The following PTPN21 variants were observed in gnomAD, a reference collection of about 807,000 sequenced individuals.
PTPN21 encodes tyrosine-protein phosphatase non-receptor type 21.
Under a neutral mutation model 131.8 loss-of-function variants are expected in PTPN21, and 77 were observed. That is an observed-to-expected ratio of 0.58 (90% CI 0.49 to 0.71). PTPN21 has a LOEUF of 0.71. Among genes scored for constraint, PTPN21 ranks in the 30% least tolerant of loss-of-function variants. The pLI, the probability that PTPN21 is intolerant of heterozygous loss-of-function variation, is 0.00. For synonymous variants in PTPN21, 715 were observed against 621.3 expected, an observed-to-expected ratio of 1.15 and a Z score of -2.24; for missense variants, 1,552 against 1,527.1, an observed-to-expected ratio of 1.02 and a Z score of -0.27.
At chr14:88,550,787 T>C (rs2078854780) in intron 1 of PTPN21, among the ~76,000 whole-genome samples, 168 bp from the exon 2 acceptor site, 1 of 152,166 alleles carries the variant, frequency 6.6e-6, no homozygotes, top group Non-Finnish European at 1.5e-5. Context: ...AGAGTTGTGC[T>C]AGGCTCAGGG....
chr14:88,540,494 T>C (rs1275753227), intron 2 of PTPN21, among the ~76,000 whole-genome samples: 2 of 152,282 alleles, frequency 1.3e-5, no homozygotes, highest in South Asian at 4.1e-4. Context: ...CCCAAGTCCA[T>C]TGAGCACCAA....
rs1595380933 is a variant in PTPN21 at position 88,508,151 on chromosome 14, T to G, written c.351-131A>C. The stretch of plus-strand genomic sequence containing the variant: ...CCTTAATCCCACATGGTTGTGTGTG[T>G]TTTTTTTTTTTTTTTTAGATAGGGT... On this transcript the variant is annotated intron_variant, in intron 3 of 18. Coordinates refer to ENST00000556564, the MANE Select transcript of PTPN21 (RefSeq NM_007039.4). 16 of 61,242 alleles carry G rather than the reference T, an allele frequency of 2.6e-4. No individual in the cohort carries two copies. The East Asian group carries it at 4.6e-3, about 18-fold the overall frequency. 3.8% of individuals were successfully genotyped at this position (61,242 alleles called of 1,614,324 possible).
intron 2 of PTPN21, among the ~76,000 whole-genome samples, chr14:88,530,743 C>T (rs1374735913): frequency 6.6e-6 from 1 of 151,956 alleles, no homozygotes; most frequent in Non-Finnish European, 1.5e-5. Context: ...ATATTACCAT[C>T]CTAGATATAT....
At chr14:88,520,825 C>T (rs893679444) in intron 2 of PTPN21, among the ~76,000 whole-genome samples, 1 of 152,126 alleles carries the variant, frequency 6.6e-6, no homozygotes, top group Non-Finnish European at 1.5e-5. Context: ...TACCTAAGTA[C>T]ATTTTCCTAT....
intron 2 of PTPN21, among the ~76,000 whole-genome samples, chr14:88,536,345 A>G (rs2078631060): frequency 6.6e-6 from 1 of 152,254 alleles, no homozygotes; most frequent in East Asian, 1.9e-4. Context: ...AATTGTACAG[A>G]TAACTGTGCC....
chr14:88,554,364 T>C (rs533674815), intron 1 of PTPN21, among the ~76,000 whole-genome samples: 1 of 152,314 alleles, frequency 6.6e-6, no homozygotes, highest in East Asian at 1.9e-4. Flanking sequence ...GGCACAAATA[T>C]GCCTAACACA....
intron 2 of PTPN21, among the ~76,000 whole-genome samples, chr14:88,542,433 C>G (rs1309479134): frequency 6.6e-6 from 1 of 152,120 alleles, no homozygotes; most frequent in African/African-American, 2.4e-5. Flanking sequence ...CTTAATTCCA[C>G]ATGGTCCTGA....
At chr14:88,501,427 A>G (rs1002107536) in intron 6 of PTPN21, 59 bp from the exon 7 acceptor site, 5 of 1,416,602 alleles carry the variant, frequency 3.5e-6, no homozygotes, top group Non-Finnish European at 4.0e-6. Context: ...TTTAAAATAA[A>G]GCTTTTCTTA....
chr14:88,543,628 G>C (rs962023986), intron 2 of PTPN21, among the ~76,000 whole-genome samples: 4 of 152,154 alleles, frequency 2.6e-5, no homozygotes, highest in Non-Finnish European at 4.4e-5. Context: ...CAGTCAACAA[G>C]AGTCCTACTT....
chr14:88,542,665 G>A (rs2078723055), intron 2 of PTPN21, among the ~76,000 whole-genome samples: 1 of 152,176 alleles, frequency 6.6e-6, no homozygotes, highest in African/African-American at 2.4e-5. Flanking sequence ...TATCCTCCAT[G>A]TTTGTATGTG....
chr14:88,473,472 C>T lies in PTPN21; in HGVS notation c.2649+193G>A, dbSNP rs530833777. Among the ~76,000 whole-genome samples, 92 of 152,190 alleles carry T rather than the reference C, an allele frequency of 6.0e-4. 1 individual carries two copies. The South Asian group carries it at 9.8e-3, about 16-fold the overall frequency. Reference sequence around the variant, plus strand: ...AACAAACAAACAAAAAATCAGCATTCGAACCTGAAATTATCTATTAAGACA... The same window carrying T: ...AACAAACAAACAAAAAATCAGCATTTGAACCTGAAATTATCTATTAAGACA... On this transcript the variant is annotated intron_variant, in intron 14 of 18. Transcript: ENST00000556564.
chr14:88,471,506 GA>G (rs2077467978), intron 15 of PTPN21, among the ~76,000 whole-genome samples: 1 of 152,038 alleles, frequency 6.6e-6, no homozygotes, highest in Admixed American at 6.6e-5. Flanking sequence ...TCCATAAGCA[GA>G]AAAGTAAAAC....
chr14:88,482,633 G>T (rs951932277), intron 12 of PTPN21, among the ~76,000 whole-genome samples: 4 of 151,852 alleles, frequency 2.6e-5, no homozygotes, highest in African/African-American at 9.7e-5. Context: ...GAAAAGAAAA[G>T]AAAAGAAATG....
chr14:88,485,859 C>A lies in PTPN21; in HGVS notation c.933-17G>T. The A allele has an allele frequency of 6.5e-7, 1 of 1,542,080 alleles. No homozygotes were observed. ...TGAGTTTGCCTATAAAATAGGATGA[C>A]TCTGAGAAGAGCACATACACACTCT... On this transcript the variant is annotated splice_polypyrimidine_tract_variant and intron_variant, in intron 10 of 18. Coordinates refer to ENST00000556564, the MANE Select transcript of PTPN21 (RefSeq NM_007039.4).
intron 10 of PTPN21, among the ~76,000 whole-genome samples, chr14:88,487,772 C>A (rs2077759318): frequency 6.6e-6 from 1 of 151,986 alleles, no homozygotes; most frequent in Non-Finnish European, 1.5e-5. Context: ...AAAAAATACT[C>A]CTTAACTGCA....
At chr14:88,485,036 T>C in intron 12 of PTPN21, 40 bp downstream of exon 12, 3 of 1,495,180 alleles carry the variant, frequency 2.0e-6, no homozygotes, top group Non-Finnish European at 1.9e-6. Context: ...TTATCCATAG[T>C]CATAACTATG....
intron 2 of PTPN21, among the ~76,000 whole-genome samples, chr14:88,523,292 A>G (rs2078424644): frequency 6.6e-6 from 1 of 151,994 alleles, no homozygotes; most frequent in African/African-American, 2.4e-5. Flanking sequence ...GGTAAAACAT[A>G]CCCCCCAAAA....
chr14:88,495,171 A>T (rs1001107164), intron 10 of PTPN21, among the ~76,000 whole-genome samples: 1 of 152,182 alleles, frequency 6.6e-6, no homozygotes, highest in Admixed American at 6.5e-5. Context: ...TTCTGATGAG[A>T]AGTAGTGGCA....
At chr14:88,518,267 T>C (rs1271151259) in intron 2 of PTPN21, among the ~76,000 whole-genome samples, 14 of 79,150 alleles carry the variant, frequency 1.8e-4, no homozygotes, top group African/African-American at 7.3e-4. Context: ...TATATATATA[T>C]ATATATACAC....
Sources: allele counts gnomAD v4.1 joint callset (sites outside exome capture counted in the v4.1 genomes callset), GRCh38; gene constraint gnomAD v4.1.1; transcripts MANE v1.5; gene names NCBI Gene and HGNC (gene_info 2026-07-23, HGNC 2026-07-21).